TRIO: variants seen among roughly 807,000 people sequenced by gnomAD.
TRIO encodes trio Rho guanine nucleotide exchange factor.
A neutral mutation model predicts 351.9 loss-of-function variants in TRIO; 58 were observed. The observed-to-expected ratio is 0.16, with a 90% CI of 0.13 to 0.21. TRIO has a LOEUF of 0.21. TRIO is among the 10% of genes least tolerant of loss of function. TRIO has a pLI of 1.00. For missense variants in TRIO, 3,201 were observed against 4,027.8 expected, an observed-to-expected ratio of 0.79 and a Z score of 5.56; for synonymous variants, 1,758 against 1,595.7, an observed-to-expected ratio of 1.10 and a Z score of -2.42.
At chr5:14,408,623 A>T (rs1005793150) in intron 33 of TRIO, among the ~76,000 whole-genome samples, 3 of 152,102 alleles carry the variant, frequency 2.0e-5, no homozygotes, top group African/African-American at 4.8e-5. Flanking sequence ...ATATTGATAA[A>T]TTTTTTATTT....
chr5:14,446,940 G>A (rs963558026), intron 34 of TRIO, among the ~76,000 whole-genome samples: 1 of 152,220 alleles, frequency 6.6e-6, no homozygotes, highest in Non-Finnish European at 1.5e-5. Flanking sequence ...GCTGTAGACA[G>A]TGTAAAGTGG....
chr5:14,294,672 C>G (rs1261497814), intron 6 of TRIO, among the ~76,000 whole-genome samples: 1 of 152,158 alleles, frequency 6.6e-6, no homozygotes, highest in Non-Finnish European at 1.5e-5. Flanking sequence ...GCTTTTAATT[C>G]TGACTTTCTT....
chr5:14,201,214 C>T (rs755428207), intron 1 of TRIO, among the ~76,000 whole-genome samples: 33 of 152,074 alleles, frequency 2.2e-4, no homozygotes, highest in Non-Finnish European at 4.0e-4. Flanking sequence ...GAGCCGAGAT[C>T]GTGTCATTGC....
chr5:14,178,277 G>C (rs1269847399), intron 1 of TRIO, among the ~76,000 whole-genome samples: 1 of 152,192 alleles, frequency 6.6e-6, no homozygotes, highest in Non-Finnish European at 1.5e-5. Context: ...ACACAGGAAT[G>C]CTGTCAATTA....
intron 8 of TRIO, among the ~76,000 whole-genome samples, chr5:14,305,344 C>T (rs753005812): frequency 6.6e-6 from 1 of 152,192 alleles, no homozygotes; most frequent in African/African-American, 2.4e-5. Flanking sequence ...TTGCCCATGC[C>T]TTGTTCCTCT....
chr5:14,426,505 G>T (rs1427581696), intron 34 of TRIO, among the ~76,000 whole-genome samples: 1 of 152,142 alleles, frequency 6.6e-6, no homozygotes, highest in Non-Finnish European at 1.5e-5. Flanking sequence ...TGAACTCCAA[G>T]GAACGCTGAA....
At chr5:14,486,292 C>T (rs1755909694) in intron 47 of TRIO, among the ~76,000 whole-genome samples, 1 of 152,200 alleles carries the variant, frequency 6.6e-6, no homozygotes, top group African/African-American at 2.4e-5. Flanking sequence ...GTAATGTTCT[C>T]TGTCACAAGA....
intron 11 of TRIO, among the ~76,000 whole-genome samples, chr5:14,348,821 G>T (rs1358859985): frequency 6.7e-6 from 1 of 148,602 alleles, no homozygotes; most frequent in African/African-American, 2.5e-5. Flanking sequence ...TGTTTTTCCT[G>T]CGTGTTTATG....
At chr5:14,347,329 A>G (rs1742508390) in intron 11 of TRIO, among the ~76,000 whole-genome samples, 1 of 121,694 alleles carries the variant, frequency 8.2e-6, no homozygotes, top group Non-Finnish European at 1.8e-5. Flanking sequence ...ATGCTGGACC[A>G]GTCATCTCAG....
chr5:14,258,324 G>A (rs1795144230), intron 1 of TRIO, among the ~76,000 whole-genome samples: 1 of 152,182 alleles, frequency 6.6e-6, no homozygotes, highest in South Asian at 2.1e-4. Flanking sequence ...GGCACCCTGA[G>A]GTCTCCCTGC....
At chr5:14,494,826 G>T (rs1756755510) in intron 49 of TRIO, among the ~76,000 whole-genome samples, 1 of 152,220 alleles carries the variant, frequency 6.6e-6, no homozygotes, top group Non-Finnish European at 1.5e-5. Context: ...TTGAACCCTG[G>T]AGGCGGAGGT....
rs2152335994 is a variant in TRIO, at chr5:14,358,302, C to T, written c.2171C>T (p.Thr724Ile). The T allele has an allele frequency of 6.2e-7, 1 of 1,614,198 alleles. No individual in the cohort carries two copies. The highest frequency in any genetic ancestry group is 2.2e-5 in the East Asian group (1 of 44,882). ...CAGCAGCAGACCACCCTGCAGGTGA[C>T]TGTCAACGTGATCAAGGAAGGGGAG... Reference protein sequence around the residue: ...GQQQQTTLQVTVNVIKEGEDL... With the variant: ...GQQQQTTLQVIVNVIKEGEDL... The change falls in exon 12 of 57, where the codon ACT (threonine) becomes ATT (isoleucine). Residue 724 changes from threonine (T) to isoleucine (I), a missense_variant. Physicochemically the swap from Thr to Ile is moderately conservative, Grantham distance 89. Around this residue, in one of 19 missense-constraint regions of TRIO, gnomAD observed 363 missense variants for 553.5 expected, o/e 0.66. Transcript: ENST00000344204.
At chr5:14,343,338 A>G (rs78916625) in intron 11 of TRIO, among the ~76,000 whole-genome samples, 8,970 of 152,264 alleles carry the variant, frequency 0.059, 308 homozygotes, top group African/African-American at 0.093. Context: ...ATCACTTTCA[A>G]GATACAGAAC....
chr5:14,344,550 G>A (rs1189549468), intron 11 of TRIO, among the ~76,000 whole-genome samples: 3 of 152,244 alleles, frequency 2.0e-5, no homozygotes, highest in South Asian at 2.1e-4. Flanking sequence ...TAAATTACAC[G>A]TGGAAAGCAC....
intron 1 of TRIO, among the ~76,000 whole-genome samples, chr5:14,169,580 C>T (rs952689606): frequency 2.6e-5 from 4 of 152,134 alleles, no homozygotes; most frequent in African/African-American, 9.7e-5. Context: ...TCACCTGGAC[C>T]ACTTGAGTTG....
At chr5:14,164,525 C>A (rs1471523861) in intron 1 of TRIO, among the ~76,000 whole-genome samples, 1 of 152,168 alleles carries the variant, frequency 6.6e-6, no homozygotes. Context: ...GTTCAAGAAT[C>A]CGATTTTCAT....
chr5:14,393,991 A>C (rs556403241), intron 27 of TRIO, 47 bp from the exon 28 acceptor site: 19 of 1,276,614 alleles, frequency 1.5e-5, no homozygotes, highest in Admixed American at 1.3e-4. Flanking sequence ...ATGATTTAAT[A>C]GTGTAGCCCT....
At chr5:14,215,652 C>T (rs537135733) in intron 1 of TRIO, among the ~76,000 whole-genome samples, 94 of 152,268 alleles carry the variant, frequency 6.2e-4, no homozygotes, top group African/African-American at 1.9e-3. Context: ...AATGATTCCA[C>T]GAAATGTGAG....
rs143215482 is a variant in TRIO at position 14,285,918 on chromosome 5, G to A, written c.348-953G>A. On this transcript the variant is annotated intron_variant, in intron 3 of 56. Transcript: ENST00000344204. Reference sequence around the variant, plus strand: ...GGGTTGCAGTTGTTCCTTACTGTAGGGCCATTCGGAAGCTTCTATCACTGA... The same window carrying A: ...GGGTTGCAGTTGTTCCTTACTGTAGAGCCATTCGGAAGCTTCTATCACTGA... 7.8e-4 allele frequency among the ~76,000 whole-genome samples: 118 copies of A among 152,222 alleles called. 1 individual carries two copies. In the East Asian group the frequency reaches 0.022, roughly 28 times the overall value.
Sources: gnomAD v4.1 joint callset for allele counts (sites outside exome capture counted in the v4.1 genomes callset) on GRCh38, gnomAD v4.1.1 for gene constraint, gnomAD v4.1.1 regional missense constraint, MANE v1.5 for transcripts, NCBI Gene and HGNC (gene_info 2026-07-23, HGNC 2026-07-21) for gene names.